Variants in DAB1 observed in about 807,000 individuals in gnomAD.
The protein encoded by DAB1 is disabled homolog 1.
Under a neutral mutation model 64.6 loss-of-function variants are expected in DAB1, and 15 were observed. The observed-to-expected ratio is 0.23, with a 90% confidence interval of 0.16 to 0.36. The LOEUF is 0.36. DAB1 is among the 10% of genes least tolerant of loss of function. The pLI is 1.00. For missense variants in DAB1, 596 were observed against 706.7 expected, an observed-to-expected ratio of 0.84 and a Z score of 1.78; for synonymous variants, 235 against 251.9, an observed-to-expected ratio of 0.93 and a Z score of 0.64.
At chr1:57,033,721 G>C in intron 9 of DAB1, 1 of 764,466 alleles carries the variant, frequency 1.3e-6, no homozygotes, top group Non-Finnish European at 2.3e-6. Context: ...GAAAATCTTG[G>C]AATATGTTTC....
chr1:57,185,141 C>T (rs915069802), intron 2 of DAB1, among the ~76,000 whole-genome samples: 1 of 152,094 alleles, frequency 6.6e-6, no homozygotes, highest in Non-Finnish European at 1.5e-5. Context: ...CCTCTCTGTG[C>T]CAGGCGAACT....
At chr1:57,376,393 T>A (rs1479850541) in intron 1 of DAB1, among the ~76,000 whole-genome samples, 1 of 152,272 alleles carries the variant, frequency 6.6e-6, no homozygotes, top group Non-Finnish European at 1.5e-5. Flanking sequence ...ATTCCTACAA[T>A]CCTCATGTAA....
chr1:57,104,133 C>T (rs1298288424), intron 4 of DAB1, among the ~76,000 whole-genome samples: 1 of 152,126 alleles, frequency 6.6e-6, no homozygotes, highest in Non-Finnish European at 1.5e-5. Context: ...TGGTACTGGT[C>T]TACACACTGT....
chr1:58,508,246 G>A (rs143685076), intron 2 of DAB1, among the ~76,000 whole-genome samples: 72 of 152,230 alleles, frequency 4.7e-4, no homozygotes, highest in Non-Finnish European at 8.7e-4. Context: ...CCAGTTCAAA[G>A]AGCCACTAAA....
At chr1:57,679,281 T>TA (rs1159563372) in intron 6 of DAB1, among the ~76,000 whole-genome samples, 2 of 152,088 alleles carry the variant, frequency 1.3e-5, no homozygotes, top group Non-Finnish European at 2.9e-5. Context: ...GAGGGTGAGA[T>TA]AAAGAAACTA....
chr1:57,909,183 T>C (rs1163075554), intron 5 of DAB1, among the ~76,000 whole-genome samples: 6 of 152,140 alleles, frequency 3.9e-5, no homozygotes, highest in African/African-American at 1.4e-4. Context: ...GTTCTAGTCT[T>C]GGTTCAGGCT....
chr1:58,103,121 G>A (rs891952174), intron 5 of DAB1, among the ~76,000 whole-genome samples: 8 of 152,052 alleles, frequency 5.3e-5, no homozygotes, highest in South Asian at 2.1e-4. Flanking sequence ...GACTTCCTGC[G>A]GCACCCGATA....
At chr1:57,159,206 A>T (rs1051230347) in intron 2 of DAB1, among the ~76,000 whole-genome samples, 28 of 151,646 alleles carry the variant, frequency 1.8e-4, no homozygotes, top group Non-Finnish European at 7.4e-5. Flanking sequence ...CTTTTATTGT[A>T]TTTGAAAAAT....
At chr1:58,040,710 A>G (rs1028707559) in intron 5 of DAB1, among the ~76,000 whole-genome samples, 8 of 152,246 alleles carry the variant, frequency 5.3e-5, no homozygotes, top group Non-Finnish European at 7.3e-5. Context: ...ATAATATTCT[A>G]TTTGAATGTA....
intron 7 of DAB1, among the ~76,000 whole-genome samples, chr1:57,490,433 G>C (rs529253392): frequency 6.6e-6 from 1 of 151,916 alleles, no homozygotes; most frequent in East Asian, 1.9e-4. Context: ...TTATAATTTG[G>C]TGATCATAAT....
At chr1:57,115,673 G>T (rs934255543) in intron 4 of DAB1, among the ~76,000 whole-genome samples, 6 of 152,156 alleles carry the variant, frequency 3.9e-5, no homozygotes, top group Non-Finnish European at 8.8e-5. Flanking sequence ...TGGGTATTCA[G>T]AAAGGAAAAG....
chr1:58,162,224 A>G (rs1655577501), intron 4 of DAB1, among the ~76,000 whole-genome samples: 1 of 152,192 alleles, frequency 6.6e-6, no homozygotes, highest in South Asian at 2.1e-4. Flanking sequence ...GGACAGTGCT[A>G]TACGAGACTG....
intron 4 of DAB1, among the ~76,000 whole-genome samples, chr1:58,318,265 C>A (rs1662602837): frequency 6.6e-6 from 1 of 152,200 alleles, no homozygotes; most frequent in Admixed American, 6.5e-5. Context: ...GACAGATACT[C>A]CTGGAGTCCA....
intron 7 of DAB1, among the ~76,000 whole-genome samples, chr1:57,605,295 C>T (rs1339165899): frequency 6.6e-6 from 1 of 152,156 alleles, no homozygotes; most frequent in Non-Finnish European, 1.5e-5. Flanking sequence ...TCTCCACATT[C>T]TTCTAGGGTG....
chr1:57,041,710 G>A (rs1647814050), intron 9 of DAB1, among the ~76,000 whole-genome samples: 1 of 152,082 alleles, frequency 6.6e-6, no homozygotes, highest in Admixed American at 6.6e-5. Context: ...TGATTATTTG[G>A]ATCTTCTATT....
chr1:57,747,383 C>G (rs1369034145), intron 6 of DAB1, among the ~76,000 whole-genome samples: 1 of 152,110 alleles, frequency 6.6e-6, no homozygotes, highest in African/African-American at 2.4e-5. Flanking sequence ...AAGCTTTTGT[C>G]TTAATTCACA....
At chr1:58,072,672 C>T (rs927326836) in intron 5 of DAB1, among the ~76,000 whole-genome samples, 1 of 152,224 alleles carries the variant, frequency 6.6e-6, no homozygotes, top group African/African-American at 2.4e-5. Flanking sequence ...GCAGTGATTA[C>T]AGTAATGATA....
chr1:58,518,475 C>A (rs1646208379), intron 2 of DAB1, among the ~76,000 whole-genome samples: 2 of 151,666 alleles, frequency 1.3e-5, no homozygotes, highest in African/African-American at 4.8e-5. Flanking sequence ...GGGAGTAGGA[C>A]TGGAGTCAAT....
At chr1:58,049,277 C>A (rs1251372052) in intron 5 of DAB1, 3 of 719,078 alleles carry the variant, frequency 4.2e-6, no homozygotes, top group Non-Finnish European at 7.6e-6. Context: ...CTTTAGGAGA[C>A]TCTGACTTAG....
Sources: gnomAD v4.1 joint callset for allele counts (sites outside exome capture counted in the v4.1 genomes callset) on GRCh38, gnomAD v4.1.1 for gene constraint, MANE v1.5 for transcripts, NCBI Gene and HGNC (gene_info 2026-07-23, HGNC 2026-07-21) for gene names.